Variants in SYT15B observed in about 807,000 individuals in gnomAD.
SYT15B encodes synaptotagmin-15.
At chr10:47,747,917 T>C in the SYT15B span, among the ~76,000 whole-genome samples, 76 of 151,764 alleles carry the variant, frequency 5.0e-4, no homozygotes, top group Non-Finnish European at 9.1e-4. Context: ...TAACTACAAT[T>C]AGATTTAGCA....
At chr10:47,756,852 C>T in the SYT15B span, among the ~76,000 whole-genome samples, 1 of 142,820 alleles carries the variant, frequency 7.0e-6, no homozygotes, top group Non-Finnish European at 1.5e-5. Context: ...GCGGGCCTCA[C>T]CCTGGAGGAA....
the SYT15B span, chr10:47,753,137 A>G: frequency 5.1e-6 from 5 of 980,184 alleles, no homozygotes; most frequent in Non-Finnish European, 6.0e-6. Flanking sequence ...AAAAAAAGAA[A>G]AAGAAGGAAA....
chr10:47,763,454 T>C, the SYT15B span: 1 of 682,888 alleles, frequency 1.5e-6, no homozygotes, highest in African/African-American at 1.9e-5. Flanking sequence ...TGCCGGTAAC[T>C]TAAGAAGCAT....
the SYT15B span, among the ~76,000 whole-genome samples, chr10:47,749,326 G>A: frequency 6.7e-6 from 1 of 148,938 alleles, no homozygotes; most frequent in African/African-American, 2.5e-5. Context: ...GAATTCTTCA[G>A]GTAGAAGAAA....
chr10:47,750,915 A>C, the SYT15B span: 1 of 151,294 alleles, frequency 6.6e-6, no homozygotes, highest in African/African-American at 2.4e-5. Context: ...TTTGACATTC[A>C]ACAGTCAATT....
At chr10:47,745,469 CCTTT>C in the SYT15B span, among the ~76,000 whole-genome samples, 1 of 142,174 alleles carries the variant, frequency 7.0e-6, no homozygotes, top group Non-Finnish European at 1.5e-5. Context: ...TCGTTTTCTT[CCTTT>C]GACTCTGCAC....
At chr10:47,757,436 A>G in the SYT15B span, 2 of 741,100 alleles carry the variant, frequency 2.7e-6, no homozygotes, top group East Asian at 1.7e-4. Context: ...CCCATGCGAC[A>G]CACCCGCATG....
At chr10:47,756,804 C>T in the SYT15B span, among the ~76,000 whole-genome samples, 10 of 147,484 alleles carry the variant, frequency 6.8e-5, no homozygotes, top group Non-Finnish European at 1.4e-4. Context: ...CATCAGTGCC[C>T]ATTGAGTCGG....
the SYT15B span, chr10:47,753,294 C>T: frequency 3.6e-5 from 15 of 412,164 alleles, no homozygotes; most frequent in Middle Eastern, 1.3e-3. Flanking sequence ...AGCTTGAGTG[C>T]AACTTCTGGG....
chr10:47,750,825 T>C, the SYT15B span: 1 of 151,976 alleles, frequency 6.6e-6, no homozygotes, highest in Non-Finnish European at 1.5e-5. Context: ...AGTATTATTG[T>C]GTTTATGTGT....
chr10:47,754,977 TG>T, the SYT15B span, among the ~76,000 whole-genome samples: 184 of 94,116 alleles, frequency 2.0e-3, no homozygotes, highest in Admixed American at 3.0e-3. Flanking sequence ...TTTTTTTTTT[TG>T]ACAGAGTCTC....
chr10:47,753,105 T>C, the SYT15B span: 2 of 976,404 alleles, frequency 2.0e-6, no homozygotes, highest in Non-Finnish European at 2.4e-6. Context: ...GGAAACTCTG[T>C]CTCAAAAAAT....
the SYT15B span, chr10:47,753,068 A>G: frequency 1.4e-6 from 1 of 728,830 alleles, no homozygotes; most frequent in South Asian, 6.3e-5. Flanking sequence ...AGATCACGCC[A>G]TTGCACTCCA....
chr10:47,762,186 C>A, the SYT15B span, among the ~76,000 whole-genome samples: 12 of 151,446 alleles, frequency 7.9e-5, no homozygotes, highest in African/African-American at 2.9e-4. Flanking sequence ...GGTGAGCACG[C>A]GCTTAGGGGA....
the SYT15B span, among the ~76,000 whole-genome samples, chr10:47,748,126 G>T: frequency 6.6e-6 from 1 of 151,956 alleles, no homozygotes; most frequent in East Asian, 1.9e-4. Flanking sequence ...TATAGGCTGA[G>T]AACTTTCCAA....
the SYT15B span, among the ~76,000 whole-genome samples, chr10:47,762,337 C>A: frequency 6.8e-6 from 1 of 147,520 alleles, no homozygotes; most frequent in Middle Eastern, 3.6e-3. Flanking sequence ...CCGCTGGCCA[C>A]CTGGGGCGGG....
chr10:47,762,257 G>A, the SYT15B span, among the ~76,000 whole-genome samples: 1 of 152,022 alleles, frequency 6.6e-6, no homozygotes, highest in Non-Finnish European at 1.5e-5. Context: ...ATTGCTGCTG[G>A]CCCTCACACG....
the SYT15B span, among the ~76,000 whole-genome samples, chr10:47,762,202 T>C: frequency 6.6e-6 from 1 of 151,762 alleles, no homozygotes; most frequent in African/African-American, 2.4e-5. Flanking sequence ...GGGGAGTTGG[T>C]GCGACGCGGT....
the SYT15B span, among the ~76,000 whole-genome samples, chr10:47,756,886 A>T: frequency 1.4e-5 from 2 of 144,726 alleles, no homozygotes; most frequent in Non-Finnish European, 3.0e-5. Context: ...GCTGATGGAA[A>T]GGTGGAGGTG....
Sources: allele counts gnomAD v4.1 joint callset (sites outside exome capture counted in the v4.1 genomes callset), GRCh38; gene constraint gnomAD v4.1.1; transcripts MANE v1.5; gene names NCBI Gene and HGNC (gene_info 2026-07-23, HGNC 2026-07-21).